TMSB4X: variants seen among roughly 807,000 people sequenced by gnomAD.
The protein encoded by TMSB4X is thymosin beta 4 X-linked.
Under a neutral mutation model 3.6 loss-of-function variants are expected in TMSB4X, and 1 was observed. That is an observed-to-expected ratio of 0.28 (90% CI 0.10 to 1.32). The LOEUF (loss-of-function observed/expected upper bound fraction) is 1.32, where lower values mean the gene tolerates loss of function less well. Among genes scored for constraint, TMSB4X ranks in the 40% most tolerant of loss-of-function variants. The probability of loss-of-function intolerance (pLI) is 0.45; values close to 1 mark genes in which losing one functional copy is unlikely to be tolerated. For synonymous variants in TMSB4X, 12 were observed against 14.3 expected (o/e 0.84, Z 0.36); for missense variants, 6 against 32.7 (o/e 0.18, Z 1.99).
Position 12,976,902 on chromosome X carries a change from A to G in TMSB4X, c.*91A>G, listed in dbSNP as rs928368558. ...TAGCTGTTTAACTTTGTAAGATGCA[A>G]AGAGGTTGGATCAAGTTTAAATGAC... On this transcript the variant is annotated 3_prime_UTR_variant, in exon 3 of 3. Transcript: ENST00000451311. The G allele has an allele frequency of 9.8e-7, 1 of 1,018,798 alleles. No individual in the cohort carries two copies. The highest frequency in any genetic ancestry group is 1.9e-5 in the African/African-American group (1 of 52,838). The allele number at this position is 1,018,798 out of a possible 1,213,427, so 84.0% of individuals were successfully genotyped here.
chrX:12,975,792 C>T (rs1392121001), intron 1 of TMSB4X: 1 of 114,477 alleles, frequency 8.7e-6, no homozygotes, highest in Non-Finnish European at 1.8e-5. Context: ...ACTAGAAAGC[C>T]GGATCCGGCC....
intron 1 of TMSB4X, chrX:12,975,722 G>T (rs1312081299): frequency 8.8e-6 from 1 of 114,251 alleles, no homozygotes; most frequent in African/African-American, 3.2e-5. Flanking sequence ...TGACGCGGGC[G>T]ATGAAGCCGG....
chrX:12,975,581 G>A (rs1465865299), intron 1 of TMSB4X: 1 of 113,270 alleles, frequency 8.8e-6, no homozygotes, highest in African/African-American at 3.2e-5. Context: ...TGGCGGCGGC[G>A]GGGCTGTGCT....
chrX:12,976,148 TCAGGCTGCGG>T, intron 1 of TMSB4X, 88 bp from the exon 2 acceptor site: 1 of 604,464 alleles, frequency 1.7e-6, no homozygotes. Flanking sequence ...AGGGTTTTTT[TCAGGCTGCGG>T]GTCGGAGGGC....
chrX:12,975,617 A>T (rs1386732999), intron 1 of TMSB4X: 1 of 113,601 alleles, frequency 8.8e-6, no homozygotes, highest in Admixed American at 9.2e-5. Context: ...TCCTTCTTGC[A>T]GAGACATGTG....
rs202170278 is a variant in TMSB4X, at chrX:12,976,829, A to G, written c.*18A>G. ...AATCGTAATGAGGCGTGCGCCGCCA[A>G]TATGCACTGTACATTCCACAAGCAT... On this transcript the variant is annotated 3_prime_UTR_variant, in exon 3 of 3. Coordinates refer to ENST00000451311, the MANE Select transcript of TMSB4X (RefSeq NM_021109.4). 5.4e-5 allele frequency: 64 copies of G among 1,189,259 alleles called. No individual in the cohort carries two copies. The African/African-American group carries it at 6.3e-4, about 12-fold the overall frequency.
At position 12,976,459 on chromosome X, in the gene TMSB4X, G is replaced by T. The variant is rs1029655480; in HGVS notation, c.100+98G>T. 30 of 716,021 alleles carry T rather than the reference G, an allele frequency of 4.2e-5. No individual in the cohort carries two copies. In the South Asian group the frequency reaches 7.2e-4, roughly 17 times the overall value. 59.0% of individuals were successfully genotyped at this position (716,021 alleles called of 1,213,427 possible). On this transcript the variant is annotated intron_variant, in intron 2 of 2. Transcript: ENST00000451311. ...GCGGCCGCGGGAAGAATTCGGGAGGGGGGAGTGCGGGGGAAGAGCCGACAG... is the reference window on the plus strand; with the variant it reads ...GCGGCCGCGGGAAGAATTCGGGAGGTGGGAGTGCGGGGGAAGAGCCGACAG...
intron 1 of TMSB4X, chrX:12,975,850 T>C (rs2043292907): frequency 8.6e-6 from 1 of 116,184 alleles, no homozygotes; most frequent in South Asian, 3.1e-4. Context: ...ACGCTTTTCC[T>C]ACCTGGGCTC....
Position 12,976,369 on chromosome X carries a change from C to G in TMSB4X, c.100+8C>G. Reference sequence around the variant, plus strand: ...CACTGCCTTCCAAAGAAAGTGAGCTCCGACCCACCCCCATCTTTAGAAAGG... The same window carrying G: ...CACTGCCTTCCAAAGAAAGTGAGCTGCGACCCACCCCCATCTTTAGAAAGG... On this transcript the variant is annotated splice_region_variant and intron_variant, in intron 2 of 2. Coordinates refer to ENST00000451311, the MANE Select transcript of TMSB4X (RefSeq NM_021109.4). 1.7e-6 allele frequency: 2 copies of G among 1,194,056 alleles called. No individual in the cohort carries two copies. Among genetic ancestry groups the G allele is most frequent in the Non-Finnish European group, 2.3e-6 (2 of 880,062 alleles).
In TMSB4X at chrX:12,976,305, A is replaced by G; in HGVS notation, c.44A>G (p.Lys15Arg). 8.3e-7 allele frequency: 1 copy of G among 1,210,973 alleles called. No individual in the cohort carries two copies. The highest frequency in any genetic ancestry group is 3.0e-5 in the East Asian group (1 of 33,819). The change falls in exon 2 of 3, where the codon AAG becomes AGG. Residue 15 changes from lysine to arginine, a missense_variant. Transcript: ENST00000451311. The stretch of plus-strand genomic sequence containing the variant: ...ATGGCTGAGATCGAGAAATTCGATA[A>G]GTCGAAACTGAAGAAGACAGAGACG... ...PDMAEIEKFDKSKLKKTETQE... is the reference protein window; with the variant it reads ...PDMAEIEKFDRSKLKKTETQE...
chrX:12,976,235 G>C lies in TMSB4X; in HGVS notation c.-16-11G>C, dbSNP rs746116799. ...TCTTCCTCACGCTCGCTCTTGGCTTGCTCCCTGCAGCTTTTCCTCCGCAAC... is the reference window on the plus strand; with the variant it reads ...TCTTCCTCACGCTCGCTCTTGGCTTCCTCCCTGCAGCTTTTCCTCCGCAAC... On this transcript the variant is annotated splice_polypyrimidine_tract_variant and intron_variant, in intron 1 of 2. Coordinates refer to ENST00000451311, the MANE Select transcript of TMSB4X (RefSeq NM_021109.4). 8.5e-7 allele frequency: 1 copy of C among 1,182,568 alleles called. No individual in the cohort carries two copies.
At chrX:12,975,730 CG>C in intron 1 of TMSB4X, 1 of 114,206 alleles carries the variant, frequency 8.8e-6, no homozygotes, top group South Asian at 3.4e-4. Context: ...GCGATGAAGC[CG>C]GTAGGGCGGT....
chrX:12,976,842 A>T lies in TMSB4X; in HGVS notation c.*31A>T, dbSNP rs199727928. ...CGTGCGCCGCCAATATGCACTGTAC[A>T]TTCCACAAGCATTGCCTTCTTATTT... On this transcript the variant is annotated 3_prime_UTR_variant, in exon 3 of 3. Coordinates refer to ENST00000451311, the MANE Select transcript of TMSB4X (RefSeq NM_021109.4). 1 of 1,171,203 alleles carries T rather than the reference A, an allele frequency of 8.5e-7. No individual in the cohort carries two copies. The highest frequency in any genetic ancestry group is 3.0e-5 in the East Asian group (1 of 33,456).
At chrX:12,976,667 G>A in intron 2 of TMSB4X, 110 bp from the exon 3 acceptor site, 2 of 876,649 alleles carry the variant, frequency 2.3e-6, no homozygotes, top group Non-Finnish European at 3.3e-6. Flanking sequence ...GGAATACCGT[G>A]TAGAATGTTT....
chrX:12,976,728 C>CT (rs2043298288), intron 2 of TMSB4X, 49 bp from the exon 3 acceptor site: 1 of 1,174,743 alleles, frequency 8.5e-7, no homozygotes, highest in African/African-American at 1.9e-5. Flanking sequence ...GTACTGAATC[C>CT]TTTAATCATC....
chrX:12,975,245 T>A (rs1372457594), intron 1 of TMSB4X, 77 bp downstream of exon 1: 1 of 113,571 alleles, frequency 8.8e-6, no homozygotes, highest in Non-Finnish European at 1.9e-5. Flanking sequence ...CGCGTCCCTG[T>A]GAAGGCATTC....
chrX:12,976,990 T>A lies in TMSB4X; in HGVS notation c.*179T>A. On this transcript the variant is annotated 3_prime_UTR_variant, in exon 3 of 3. Transcript: ENST00000451311. ...GAAGGCCGCGCCTGCCTTTCCCATC[T>A]GTCTATCTATCTGGCTGGCAGGGAA... 1.8e-6 allele frequency: 1 copy of A among 552,711 alleles called. No individual in the cohort carries two copies. The highest frequency in any genetic ancestry group is 3.0e-6 in the Non-Finnish European group (1 of 337,170). The allele number at this position is 552,711 out of a possible 1,213,427, so 45.5% of individuals were successfully genotyped here. A position where few individuals can be genotyped will look rare whatever the true frequency, so the allele number is the denominator to read the frequency against.
At chrX:12,976,166 G>A in intron 1 of TMSB4X, 80 bp from the exon 2 acceptor site, 1 of 715,751 alleles carries the variant, frequency 1.4e-6, no homozygotes, top group Non-Finnish European at 2.2e-6. Flanking sequence ...CGGGTCGGAG[G>A]GCAGAAGTGC....
chrX:12,976,748 C>CTTTTTTTTT, intron 2 of TMSB4X, 29 bp from the exon 3 acceptor site: 3 of 1,074,560 alleles, frequency 2.8e-6, no homozygotes, highest in East Asian at 3.3e-5. Context: ...CTCCCTCCAT[C>CTTTTTTTTT]TTTTTTTTTT....
Sources: gnomAD v4.1 joint callset for allele counts on GRCh38, gnomAD v4.1.1 for gene constraint, MANE v1.5 for transcripts, NCBI Gene and HGNC (gene_info 2026-07-23, HGNC 2026-07-21) for gene names.